The following ZSCAN5A variants were observed in gnomAD, a reference collection of about 807,000 sequenced individuals.
ZSCAN5A encodes zinc finger and SCAN domain-containing protein 5A.
ZSCAN5A carries 12 observed loss-of-function variants against 23.7 expected under a neutral mutation model. The ratio of observed to expected loss-of-function variants is 0.51; its 90% CI spans 0.32 to 0.82. The LOEUF (loss-of-function observed/expected upper bound fraction) is 0.82, where lower values mean the gene tolerates loss of function less well. Among genes scored for constraint, ZSCAN5A ranks in the 40% least tolerant of loss-of-function variants. ZSCAN5A has a pLI of 0.03. For missense variants in ZSCAN5A, 597 were observed against 617.9 expected, an observed-to-expected ratio of 0.97 and a Z score of 0.36; for synonymous variants, 257 against 239.9, an observed-to-expected ratio of 1.07 and a Z score of -0.66.
At chr19:56,242,470 G>A (rs1306365465) in intron 2 of ZSCAN5A, among the ~76,000 whole-genome samples, 1 of 151,968 alleles carries the variant, frequency 6.6e-6, no homozygotes, top group Non-Finnish European at 1.5e-5. Flanking sequence ...GTCTCCTCTG[G>A]GTTGTCTTCC....
intron 2 of ZSCAN5A, chr19:56,284,260 T>G (rs1459154277): frequency 2.4e-6 from 2 of 846,354 alleles, no homozygotes; most frequent in Non-Finnish European, 2.8e-6. Context: ...TGGCGGGAAA[T>G]TTTGGGCTTT....
intron 2 of ZSCAN5A, among the ~76,000 whole-genome samples, chr19:56,346,526 G>GAA (rs569758808): frequency 1.7e-3 from 196 of 115,460 alleles, no homozygotes; most frequent in African/African-American, 6.0e-3. Context: ...TAAAACTCTA[G>GAA]AAAAAAAAAA....
At chr19:56,249,010 G>GCC (rs202241513) in intron 2 of ZSCAN5A, among the ~76,000 whole-genome samples, 1 of 151,434 alleles carries the variant, frequency 6.6e-6, no homozygotes, top group African/African-American at 2.4e-5. Context: ...TATTTTCACT[G>GCC]CCCCCCCCGA....
chr19:56,346,130 G>GA (rs575477877), intron 2 of ZSCAN5A, among the ~76,000 whole-genome samples: 6 of 134,306 alleles, frequency 4.5e-5, no homozygotes, highest in African/African-American at 1.1e-4. Context: ...CAGCTGAGAA[G>GA]AAAAAACCTT....
At chr19:56,327,795 G>C (rs1041307225) in intron 2 of ZSCAN5A, among the ~76,000 whole-genome samples, 1 of 151,572 alleles carries the variant, frequency 6.6e-6, no homozygotes, top group African/African-American at 2.4e-5. Context: ...ATACACATGC[G>C]ATACATATGC....
chr19:56,302,483 CCCA>C (rs2147268346), intron 2 of ZSCAN5A, among the ~76,000 whole-genome samples: 1 of 140,934 alleles, frequency 7.1e-6, no homozygotes, highest in South Asian at 2.4e-4. Context: ...CTTCTTCCTT[CCCA>C]TCCTTCTTCC....
At chr19:56,228,479 C>T in intron 2 of ZSCAN5A, 1 of 972,046 alleles carries the variant, frequency 1.0e-6, no homozygotes, top group Non-Finnish European at 1.2e-6. Context: ...ACTAAACATG[C>T]CTACTGTGCA....
At chr19:56,259,253 C>T (rs2146836948) in intron 2 of ZSCAN5A, among the ~76,000 whole-genome samples, 1 of 152,026 alleles carries the variant, frequency 6.6e-6, no homozygotes, top group African/African-American at 2.4e-5. Flanking sequence ...CCATGTTGCC[C>T]AGGCTGGTCT....
chr19:56,345,138 G>A (rs2041623696), intron 2 of ZSCAN5A, among the ~76,000 whole-genome samples: 1 of 151,838 alleles, frequency 6.6e-6, no homozygotes, highest in South Asian at 2.1e-4. Flanking sequence ...ATGTATGCTG[G>A]CAATTCTTAA....
intron 2 of ZSCAN5A, among the ~76,000 whole-genome samples, chr19:56,302,654 CCT>C (rs144249191): frequency 5.8e-5 from 7 of 121,188 alleles, no homozygotes; most frequent in South Asian, 3.1e-4. Context: ...TTCTTCCCCC[CCT>C]CCCTGTTCTT....
intron 2 of ZSCAN5A, among the ~76,000 whole-genome samples, chr19:56,230,614 G>GATAT (rs201855492): frequency 0.018 from 1,228 of 66,636 alleles, 25 homozygotes; most frequent in African/African-American, 0.086. Context: ...TTTATTTCTT[G>GATAT]ATGTGTGTGT....
At chr19:56,330,365 G>C (rs913174072) in intron 2 of ZSCAN5A, among the ~76,000 whole-genome samples, 1 of 152,082 alleles carries the variant, frequency 6.6e-6, no homozygotes, top group South Asian at 2.1e-4. Flanking sequence ...TGAATTGCTG[G>C]GTCAAAGGAT....
At chr19:56,364,216 G>T (rs1568769093) in intron 1 of ZSCAN5A, among the ~76,000 whole-genome samples, 1 of 152,136 alleles carries the variant, frequency 6.6e-6, no homozygotes, top group Non-Finnish European at 1.5e-5. Context: ...GAACCTGAAG[G>T]GTGACAGCAC....
At chr19:56,262,903 T>C (rs2037226213) in intron 2 of ZSCAN5A, among the ~76,000 whole-genome samples, 1 of 152,234 alleles carries the variant, frequency 6.6e-6, no homozygotes, top group Non-Finnish European at 1.5e-5. Context: ...CGTTTATCTA[T>C]ATGGGTAATT....
intron 2 of ZSCAN5A, among the ~76,000 whole-genome samples, chr19:56,330,124 G>A (rs374943608): frequency 2.6e-5 from 4 of 152,304 alleles, no homozygotes; most frequent in Admixed American, 6.5e-5. Context: ...TTAGGATAAT[G>A]GTTTCTACCT....
rs138207579 is a variant in ZSCAN5A at position 56,260,633 on chromosome 19, T to C, written c.-127-35460A>G. Among the ~76,000 whole-genome samples, 540 of 152,254 alleles carry C rather than the reference T, an allele frequency of 3.5e-3. 2 individuals are homozygous for C. Among genetic ancestry groups the C allele is most frequent in the African/African-American group, 0.012 (514 of 41,550 alleles). On this transcript the variant is annotated intron_variant, in intron 2 of 5. Transcript: ENST00000683990. ...GTAGGACAAAAATCTGCAATTTTAT[T>C]GTATTTAGGTATTGCTTAGGATAAA...
Position 56,303,659 on chromosome 19 carries a change from G to A in ZSCAN5A, c.-128+9624C>T, listed in dbSNP as rs117378571. 1.6e-3 allele frequency among the ~76,000 whole-genome samples: 249 copies of A among 152,106 alleles called. 2 individuals carry two copies. The East Asian group carries it at 0.032, about 20-fold the overall frequency. On this transcript the variant is annotated intron_variant, in intron 2 of 5. Transcript: ENST00000683990. Reference sequence around the variant, plus strand: ...AGATGCTGGGGACTCAGAGAAGAACGGAACCCATAAGGTCCTTGAGTCCCC... The same window carrying A: ...AGATGCTGGGGACTCAGAGAAGAACAGAACCCATAAGGTCCTTGAGTCCCC...
chr19:56,268,712 A>G (rs1600138461), intron 2 of ZSCAN5A, among the ~76,000 whole-genome samples: 1 of 152,288 alleles, frequency 6.6e-6, no homozygotes, highest in African/African-American at 2.4e-5. Context: ...ATGTTGTTCA[A>G]CCGTCACCCA....
At chr19:56,225,354 T>C (rs1048604670) in intron 2 of ZSCAN5A, 181 bp from the exon 3 acceptor site, 3 of 333,840 alleles carry the variant, frequency 9.0e-6, no homozygotes, top group Non-Finnish European at 1.5e-5. Context: ...CCCTGGATTC[T>C]GATCTCTAGG....
Sources: allele counts gnomAD v4.1 joint callset (sites outside exome capture counted in the v4.1 genomes callset), GRCh38; gene constraint gnomAD v4.1.1; transcripts MANE v1.5; gene names NCBI Gene and HGNC (gene_info 2026-07-23, HGNC 2026-07-21).